The following CRAT variants were observed in gnomAD, a reference collection of about 807,000 sequenced individuals.
CRAT encodes the protein carnitine acetylase.
A neutral mutation model predicts 73.7 loss-of-function variants in CRAT; 66 were observed. The ratio of observed to expected loss-of-function variants is 0.90; its 90% CI spans 0.73 to 1.10. CRAT has a LOEUF of 1.10. CRAT is among the 50% of genes least tolerant of loss of function. The probability of loss-of-function intolerance (pLI) is 0.00; values close to 1 mark genes in which losing one functional copy is unlikely to be tolerated. For missense variants in CRAT, 745 were observed against 846.9 expected, an observed-to-expected ratio of 0.88 and a Z score of 1.49; for synonymous variants, 321 against 343.2, an observed-to-expected ratio of 0.94 and a Z score of 0.71.
chr9:129,099,745 G>T, intron 8 of CRAT, 121 bp downstream of exon 8: 1 of 775,834 alleles, frequency 1.3e-6, no homozygotes, highest in Non-Finnish European at 2.0e-6. Context: ...TGGCTTCCTT[G>T]GAAAAAAACA....
At position 129,098,019 on chromosome 9, in the gene CRAT, G is replaced by A. The variant is rs775405756; in HGVS notation, c.1458C>T (p.Ser486=). The A allele has an allele frequency of 1.7e-5, 28 of 1,613,468 alleles. No individual in the cohort carries two copies. The South Asian group carries it at 1.8e-4, about 10-fold the overall frequency. ...LTFVKAMDDS[S]VTEHQKVELL... ...CTCGCCCCAGACCTCTCACCGTGAC[G>A]CTGGAGTCATCCATGGCCTTGACAA... The change falls in exon 11 of 14, where the codon AGC becomes AGT. Residue 486 remains serine (S), a synonymous_variant. Transcript: ENST00000318080.
chr9:129,103,198 G>A lies in CRAT; in HGVS notation c.411-132C>T, dbSNP rs1314375419. 11 of 784,450 alleles carry A rather than the reference G, an allele frequency of 1.4e-5. No homozygotes were observed. In the East Asian group the frequency reaches 2.3e-4, roughly 16 times the overall value. 48.6% of individuals were successfully genotyped at this position (784,450 alleles called of 1,614,324 possible). A position where few individuals can be genotyped will look rare whatever the true frequency, so the allele number is the denominator to read the frequency against. On this transcript the variant is annotated intron_variant, in intron 3 of 13. Coordinates refer to ENST00000318080, the MANE Select transcript of CRAT (RefSeq NM_000755.5). This position sits in a 1 kb window ranked among gnomAD's most constrained non-coding sequence, Gnocchi z 4.6. ...CACCGCTTCCAGAAAGCCTGGGAGC[G>A]CAAGGGAGGGGCCTGCGAGTCCCAG...
Position 129,107,685 on chromosome 9 carries a change from G to T in CRAT, c.291+129C>A. 1 of 1,340,476 alleles carries T rather than the reference G, an allele frequency of 7.5e-7. No homozygotes were observed. The highest frequency in any genetic ancestry group is 1.1e-6 in the Non-Finnish European group (1 of 949,140). 83.0% of individuals were successfully genotyped at this position (1,340,476 alleles called of 1,614,324 possible). A position where few individuals can be genotyped will look rare whatever the true frequency, so the allele number is the denominator to read the frequency against. ...TCTTGATCACCCAGCACCCTGCCAA[G>T]TGCCAGACACAGAGTATGTGCTCAC... On this transcript the variant is annotated intron_variant, in intron 2 of 13. Coordinates refer to ENST00000318080, the MANE Select transcript of CRAT (RefSeq NM_000755.5). The surrounding 1 kb of genome is among the most constrained non-coding windows in gnomAD (Gnocchi z 5.0).
chr9:129,106,986 C>G lies in CRAT; in HGVS notation c.291+828G>C, dbSNP rs1848057945. 6.6e-6 allele frequency among the ~76,000 whole-genome samples: 1 copy of G among 152,080 alleles called. No homozygotes were observed. Among genetic ancestry groups the G allele is most frequent in the Admixed American group, 6.5e-5 (1 of 15,268 alleles). On this transcript the variant is annotated intron_variant, in intron 2 of 13. Transcript: ENST00000318080. The surrounding 1 kb of genome is among the most constrained non-coding windows in gnomAD (Gnocchi z 4.0). ...CAGCTCCTTGGGGGTGATGTCACCCCTCCCCCTCGCCTCTGGCTTCCACTC... is the reference window on the plus strand; with the variant it reads ...CAGCTCCTTGGGGGTGATGTCACCCGTCCCCCTCGCCTCTGGCTTCCACTC...
chr9:129,094,979 G>A lies in CRAT; in HGVS notation c.*418C>T, dbSNP rs1847184783. 4.6e-6 allele frequency: 1 copy of A among 215,962 alleles called. No individual in the cohort carries two copies. Among genetic ancestry groups the A allele is most frequent in the Non-Finnish European group, 9.3e-6 (1 of 107,192 alleles). 13.4% of individuals were successfully genotyped at this position (215,962 alleles called of 1,614,324 possible). A position where few individuals can be genotyped will look rare whatever the true frequency, so the allele number is the denominator to read the frequency against. On this transcript the variant is annotated 3_prime_UTR_variant, in exon 14 of 14. Coordinates refer to ENST00000318080, the MANE Select transcript of CRAT (RefSeq NM_000755.5). ...TCGGCCCCAGACAATCCTGTCTCCA[G>A]GTCCTGGGAGTTTGGGAAGCAGGGT...
intron 1 of CRAT, among the ~76,000 whole-genome samples, chr9:129,109,957 G>A (rs1359489670): frequency 1.3e-5 from 2 of 151,844 alleles, no homozygotes; most frequent in African/African-American, 4.8e-5. Flanking sequence ...GGGGCTGGAG[G>A]GGAGGGAGAC....
chr9:129,110,648 C>A lies in CRAT; in HGVS notation c.-139G>T. ...AGGTCGCTGAGTTACAGCCGCCAGC[C>A]GGTAGAGGCAGCCCCGCGCCCACCC... On this transcript the variant is annotated 5_prime_UTR_variant, in exon 1 of 14. Transcript: ENST00000318080. This position sits in a 1 kb window ranked among gnomAD's most constrained non-coding sequence, Gnocchi z 5.3. The A allele has an allele frequency of 2.8e-6, 3 of 1,063,402 alleles. No individual in the cohort carries two copies. The highest frequency in any genetic ancestry group is 2.5e-6 in the Non-Finnish European group (2 of 788,046). The allele number at this position is 1,063,402 out of a possible 1,614,324, so 65.9% of individuals were successfully genotyped here. A position where few individuals can be genotyped will look rare whatever the true frequency, so the allele number is the denominator to read the frequency against.
In CRAT at chr9:129,096,138, G is replaced by C. The variant is rs763765723; in HGVS notation, c.1528-3C>G. Reference sequence around the variant, plus strand: ...TCAAAGGCCTCCCCGCGGATGGCCTGTTGGGGTGGGAGAGCTGTCAGGAGC... The same window carrying C: ...TCAAAGGCCTCCCCGCGGATGGCCTCTTGGGGTGGGAGAGCTGTCAGGAGC... On this transcript the variant is annotated splice_region_variant and splice_polypyrimidine_tract_variant and intron_variant, in intron 12 of 13. Transcript: ENST00000318080. 30 of 1,612,592 alleles carry C rather than the reference G, an allele frequency of 1.9e-5. No individual in the cohort carries two copies. Among genetic ancestry groups the C allele is most frequent in the Non-Finnish European group, 2.4e-5 (28 of 1,180,028 alleles).
chr9:129,098,816 CTT>C (rs58400805), intron 8 of CRAT, among the ~76,000 whole-genome samples, 166 bp from the exon 9 acceptor site: 121,630 of 127,526 alleles, frequency 0.95, 57,924 homozygotes, highest in Middle Eastern at 1. Flanking sequence ...TTTCTTTTTT[CTT>C]TTTTTTTTTT....
Position 129,099,928 on chromosome 9 carries a change from G to C in CRAT, c.1023C>G (p.Tyr341Ter). Residue 341 changes from tyrosine to a stop codon, truncating the protein, a stop_gained, in exon 8 of 14, where the codon TAC becomes TAG. Coordinates refer to ENST00000318080, the MANE Select transcript of CRAT (RefSeq NM_000755.5). LOFTEE classifies it high-confidence loss of function. Reference protein sequence around the residue: ...VAEDGSCGLVYEHAAAEGPPI... With the variant: ...VAEDGSCGLV ...GGGGCCCCTCCGCTGCAGCATGCTCGTACACAAGCCCACAGGAGCCATCTT... is the reference window on the plus strand; with the variant it reads ...GGGGCCCCTCCGCTGCAGCATGCTCCTACACAAGCCCACAGGAGCCATCTT... The C allele has an allele frequency of 6.2e-7, 1 of 1,612,566 alleles. No homozygotes were observed. The highest frequency in any genetic ancestry group is 8.5e-7 in the Non-Finnish European group (1 of 1,179,498).
At position 129,098,142 on chromosome 9, in the gene CRAT, G is replaced by A. The variant is rs16930895; in HGVS notation, c.1335C>T (p.Tyr445=). 7.4e-3 allele frequency: 11,958 copies of A among 1,613,694 alleles called. 778 individuals carry two copies. The African/African-American group carries it at 0.14, about 19-fold the overall frequency. ...MALQLAYYRI[Y]GQACATYESA... The stretch of plus-strand genomic sequence containing the variant: ...TTTCATAGGTGGCACATGCCTGTCC[G>A]TAGATCCTGGTGGGAAATGGGGCTA... The change falls in exon 11 of 14, where the codon TAC becomes TAT. Residue 445 remains tyrosine, a synonymous_variant. Transcript: ENST00000318080.
intron 12 of CRAT, among the ~76,000 whole-genome samples, chr9:129,096,460 G>T (rs1847289308): frequency 2.0e-5 from 3 of 152,210 alleles, no homozygotes; most frequent in African/African-American, 7.2e-5. Context: ...GTAAAGAGGG[G>T]TGAGTCCTAC....
chr9:129,107,997 TG>T lies in CRAT; in HGVS notation c.107del (p.Pro36HisfsTer16), dbSNP rs1476113882. The T allele has an allele frequency of 6.3e-7, 1 of 1,594,050 alleles. No homozygotes were observed. Among genetic ancestry groups the T allele is most frequent in the African/African-American group, 1.3e-5 (1 of 74,760 alleles). On this transcript the variant is annotated frameshift_variant, in exon 2 of 14. Transcript: ENST00000318080. LOFTEE classifies it high-confidence loss of function. The surrounding 1 kb of genome is among the most constrained non-coding windows in gnomAD (Gnocchi z 5.0). ...GCTGGAGAGGGGGCACGGGCAGCCGTGGCAGTGCATCCTGGTGTGCCTTGAA... is the reference window on the plus strand; with the variant it reads ...GCTGGAGAGGGGGCACGGGCAGCCGTGCAGTGCATCCTGGTGTGCCTTGAA... ...SRFKAHQDAL[P>X]RLPVPPLQQS...
chr9:129,108,415 G>A, intron 1 of CRAT: 1 of 1,182,322 alleles, frequency 8.5e-7, no homozygotes, highest in Non-Finnish European at 1.1e-6. Flanking sequence ...CACCCTGGAA[G>A]AGGAGCCAGC....
Position 129,110,312 on chromosome 9 carries a change from T to G in CRAT, c.27+171A>C, listed in dbSNP as rs1169135328. 6.6e-6 allele frequency among the ~76,000 whole-genome samples: 1 copy of G among 152,158 alleles called. No homozygotes were observed. Among genetic ancestry groups the G allele is most frequent in the Non-Finnish European group, 1.5e-5 (1 of 68,016 alleles). ...GTGGGTTTAATCCCGCTTCTGACCT[T>G]GCGCCCCAATCTCCTGCTCTGCCAA... is the stretch of plus-strand genomic sequence containing the variant. On this transcript the variant is annotated intron_variant, in intron 1 of 13. Transcript: ENST00000318080. This position sits in a 1 kb window ranked among gnomAD's most constrained non-coding sequence, Gnocchi z 5.3.
rs1353117712 is a variant in CRAT at position 129,098,668 on chromosome 9, C to T, written c.1086-18G>A. The T allele has an allele frequency of 3.1e-6, 5 of 1,594,340 alleles. No individual in the cohort carries two copies. The South Asian group carries it at 5.7e-5, about 18-fold the overall frequency. On this transcript the variant is annotated intron_variant, in intron 8 of 13. Coordinates refer to ENST00000318080, the MANE Select transcript of CRAT (RefSeq NM_000755.5). The stretch of plus-strand genomic sequence containing the variant: ...GTTTCTTCCTGCACAGTAAACGGGG[C>T]CTCAGGCTCATGCTGGTGCCTCTAG...
Position 129,110,759 on chromosome 9 carries a change from A to T in CRAT, c.-250T>A, listed in dbSNP as rs925195060. 3 of 547,084 alleles carry T rather than the reference A, an allele frequency of 5.5e-6. No individual in the cohort carries two copies. In the African/African-American group the frequency reaches 6.2e-5, roughly 11 times the overall value. 33.9% of individuals were successfully genotyped at this position (547,084 alleles called of 1,614,324 possible). A position where few individuals can be genotyped will look rare whatever the true frequency, so the allele number is the denominator to read the frequency against. On this transcript the variant is annotated 5_prime_UTR_variant, in exon 1 of 14. Coordinates refer to ENST00000318080, the MANE Select transcript of CRAT (RefSeq NM_000755.5). The surrounding 1 kb of genome is among the most constrained non-coding windows in gnomAD (Gnocchi z 5.3). ...GGCCGGTAGCGGGCCCCGGGCGGGCAACGGTGCCCGGGAGGTTGGCTGTGG... is the reference window on the plus strand; with the variant it reads ...GGCCGGTAGCGGGCCCCGGGCGGGCTACGGTGCCCGGGAGGTTGGCTGTGG...
chr9:129,099,707 ATTACAGGC>A lies in CRAT; in HGVS notation c.1085+151_1085+158del, dbSNP rs1482328621. Among the ~76,000 whole-genome samples, 8 of 152,232 alleles carry A rather than the reference ATTACAGGC, an allele frequency of 5.3e-5. No homozygotes were observed. The East Asian group carries it at 1.4e-3, about 26-fold the overall frequency. On this transcript the variant is annotated intron_variant, in intron 8 of 13. Transcript: ENST00000318080. ...CACCTCAGCCTCCCAAAGTGTCAGG[ATTACAGGC>A]GTGAGCCACCATATCTGGCTGGCTT...
chr9:129,095,808 A>G (rs1352952279), intron 13 of CRAT, among the ~76,000 whole-genome samples, 190 bp downstream of exon 13: 1 of 152,248 alleles, frequency 6.6e-6, no homozygotes, highest in Non-Finnish European at 1.5e-5. Context: ...GAGTCAGCGA[A>G]GCTGATTCTC....
Sources: allele counts gnomAD v4.1 joint callset (sites outside exome capture counted in the v4.1 genomes callset), GRCh38; gene constraint gnomAD v4.1.1; non-coding constraint Gnocchi (gnomAD v3.1); transcripts MANE v1.5; gene names NCBI Gene and HGNC (gene_info 2026-07-23, HGNC 2026-07-21).